The following C10orf90 variants were observed in gnomAD, a reference collection of about 807,000 sequenced individuals.
The protein encoded by C10orf90 is chromosome 10 open reading frame 90, also known as (E2-independent) E3 ubiquitin-conjugating enzyme FATS.
Under a neutral mutation model 62.5 loss-of-function variants are expected in C10orf90, and 56 were observed. The observed-to-expected ratio is 0.90, with a 90% CI of 0.72 to 1.12. C10orf90 has a LOEUF of 1.12. Ranked by LOEUF, C10orf90 falls within the 50% of genes most tolerant of loss-of-function variation. The pLI is 0.00. For synonymous variants in C10orf90, 386 were observed against 340.4 expected, an observed-to-expected ratio of 1.13 and a Z score of -1.47; for missense variants, 970 against 880.4, an observed-to-expected ratio of 1.10 and a Z score of -1.29.
chr10:126,533,107 T>C (rs1022773759), intron 2 of C10orf90, among the ~76,000 whole-genome samples: 1 of 151,506 alleles, frequency 6.6e-6, no homozygotes, highest in African/African-American at 2.4e-5. Flanking sequence ...TAATGTTTTT[T>C]GTATTTTTAG....
At chr10:126,636,741 T>G (rs1022669145) in intron 2 of C10orf90, among the ~76,000 whole-genome samples, 1 of 152,238 alleles carries the variant, frequency 6.6e-6, no homozygotes, top group Non-Finnish European at 1.5e-5. Context: ...GCTTTTTTCT[T>G]TTTTAGAAAT....
At chr10:126,652,039 G>A (rs943306956) in intron 1 of C10orf90, among the ~76,000 whole-genome samples, 13 of 152,178 alleles carry the variant, frequency 8.5e-5, no homozygotes, top group African/African-American at 3.1e-4. Flanking sequence ...TAATCTAGAT[G>A]CAAGATTGAT....
chr10:126,624,553 A>T (rs1392709446), intron 2 of C10orf90, among the ~76,000 whole-genome samples: 1 of 152,230 alleles, frequency 6.6e-6, no homozygotes, highest in Non-Finnish European at 1.5e-5. Flanking sequence ...GGAACTTAGC[A>T]GGAACTAAGT....
intron 2 of C10orf90, among the ~76,000 whole-genome samples, chr10:126,642,358 C>T (rs938609285): frequency 6.6e-6 from 1 of 152,060 alleles, no homozygotes; most frequent in Non-Finnish European, 1.5e-5. Flanking sequence ...TGGTGAAACC[C>T]CGTCTCTACT....
rs1270205197 is a variant in C10orf90 at position 126,464,765 on chromosome 10, G to A, written c.1756C>T (p.Pro586Ser). The change falls in exon 5 of 10, where the codon CCC becomes TCC. Residue 586 changes from proline to serine, a missense_variant. Coordinates refer to ENST00000488181, the MANE Select transcript of C10orf90 (RefSeq NM_001350921.2). ...AGAGATGCACATACATCTTGTAAGG[G>A]GCAAAGAAACCCAGGAAAAAGGATT... ...PRILFPGFLC[P>S]LQDVCASLQE... The A allele has an allele frequency of 1.9e-6, 3 of 1,614,008 alleles. No homozygotes were observed. Among genetic ancestry groups the A allele is most frequent in the Non-Finnish European group, 2.5e-6 (3 of 1,180,014 alleles).
intron 1 of C10orf90, among the ~76,000 whole-genome samples, chr10:126,655,376 T>C (rs1846373501): frequency 6.6e-6 from 1 of 152,098 alleles, no homozygotes. Flanking sequence ...ATAACAGATA[T>C]AATAATGAAA....
chr10:126,430,407 G>T (rs1384167065), intron 7 of C10orf90, among the ~76,000 whole-genome samples: 1 of 152,180 alleles, frequency 6.6e-6, no homozygotes, highest in Non-Finnish European at 1.5e-5. Flanking sequence ...CTTTGATTAA[G>T]TACACAGTAG....
chr10:126,552,880 G>A (rs1864668801), intron 2 of C10orf90, among the ~76,000 whole-genome samples: 1 of 152,166 alleles, frequency 6.6e-6, no homozygotes, highest in African/African-American at 2.4e-5. Flanking sequence ...GGAAAACATG[G>A]AAAACACTCA....
chr10:126,581,713 C>T (rs1348088765), intron 2 of C10orf90, among the ~76,000 whole-genome samples: 2 of 152,186 alleles, frequency 1.3e-5, no homozygotes, highest in Admixed American at 6.5e-5. Flanking sequence ...ATATGCTGAA[C>T]ACCTCTCTAT....
At chr10:126,430,472 A>G (rs768236940) in intron 7 of C10orf90, among the ~76,000 whole-genome samples, 6 of 152,170 alleles carry the variant, frequency 3.9e-5, no homozygotes, top group Non-Finnish European at 7.4e-5. Flanking sequence ...ATTCATAATG[A>G]TGTTCACAGA....
intron 7 of C10orf90, among the ~76,000 whole-genome samples, chr10:126,454,006 G>C (rs572602286): frequency 6.6e-6 from 1 of 152,228 alleles, no homozygotes; most frequent in Non-Finnish European, 1.5e-5. Flanking sequence ...AGGCTCTGAA[G>C]CTGGGCCCCC....
chr10:126,442,243 G>A (rs990062145), intron 7 of C10orf90, among the ~76,000 whole-genome samples: 1 of 151,358 alleles, frequency 6.6e-6, no homozygotes, highest in Non-Finnish European at 1.5e-5. Context: ...CCAAAAGCAA[G>A]CAGGAGTAGC....
At chr10:126,446,880 A>G (rs1858820976) in intron 7 of C10orf90, among the ~76,000 whole-genome samples, 1 of 152,162 alleles carries the variant, frequency 6.6e-6, no homozygotes, top group Non-Finnish European at 1.5e-5. Context: ...TCAAAAACAT[A>G]AAATGTGAGG....
rs1564815589 is a variant in C10orf90 at position 126,470,577 on chromosome 10, A to AAACAAACAAAC, written c.1535-5592_1535-5591insGTTTGTTTGTT. 3.1e-3 allele frequency among the ~76,000 whole-genome samples: 469 copies of AAACAAACAAAC among 150,028 alleles called. 4 individuals are homozygous for AAACAAACAAAC. The highest frequency in any genetic ancestry group is 0.011 in the African/African-American group (440 of 40,588). On this transcript the variant is annotated intron_variant, in intron 4 of 9. Transcript: ENST00000488181. The stretch of plus-strand genomic sequence containing the variant: ...AGACCCTAACTCTACTAAAAACTAA[A>AAACAAACAAAC]AAACAAACAAACAAACAAACAAACT...
At chr10:126,659,373 A>G (rs1448452067) in intron 1 of C10orf90, among the ~76,000 whole-genome samples, 2 of 152,204 alleles carry the variant, frequency 1.3e-5, no homozygotes, top group African/African-American at 2.4e-5. Context: ...GAGCCCTGAC[A>G]TAGGCCCTTG....
chr10:126,592,267 G>A (rs1406025977), intron 2 of C10orf90, among the ~76,000 whole-genome samples: 1 of 152,150 alleles, frequency 6.6e-6, no homozygotes, highest in Non-Finnish European at 1.5e-5. Context: ...AGAAAAAGCT[G>A]GAGGCATCAC....
chr10:126,627,617 C>T (rs2804437), intron 2 of C10orf90, among the ~76,000 whole-genome samples: 4,810 of 152,256 alleles, frequency 0.032, 124 homozygotes, highest in South Asian at 0.073. Context: ...AGAATACTCA[C>T]TGCTAGTTCA....
At chr10:126,467,209 G>A (rs971770180) in intron 4 of C10orf90, among the ~76,000 whole-genome samples, 1 of 152,238 alleles carries the variant, frequency 6.6e-6, no homozygotes, top group Non-Finnish European at 1.5e-5. Context: ...TGTTCAGGCT[G>A]TGACTTGGAA....
rs556932131 is a variant in C10orf90, at chr10:126,495,052, G to A, written c.1534+8905C>T. ...AATATTTTTCATGTTGCTATCAGAT[G>A]TTCTCAGATGGGCCTCATTCCCAAG... On this transcript the variant is annotated intron_variant, in intron 4 of 9. Transcript: ENST00000488181. Among the ~76,000 whole-genome samples the A allele has an allele frequency of 2.6e-4, 40 of 152,316 alleles. 1 individual carries two copies. Among genetic ancestry groups the A allele is most frequent in the South Asian group, 1.2e-3 (6 of 4,832 alleles).
Sources: allele counts gnomAD v4.1 joint callset (sites outside exome capture counted in the v4.1 genomes callset), GRCh38; gene constraint gnomAD v4.1.1; transcripts MANE v1.5; gene names NCBI Gene and HGNC (gene_info 2026-07-23, HGNC 2026-07-21).